SPIRE1: variants seen among roughly 807,000 people sequenced by gnomAD.
SPIRE1 encodes spire type actin nucleation factor 1.
Under a neutral mutation model 94.1 loss-of-function variants are expected in SPIRE1, and 40 were observed. That is an observed-to-expected ratio of 0.43 (90% CI 0.33 to 0.55). The LOEUF (loss-of-function observed/expected upper bound fraction) is 0.55, where lower values mean the gene tolerates loss of function less well. SPIRE1 is among the 20% of genes least tolerant of loss of function. The probability of loss-of-function intolerance (pLI) is 0.06; values close to 1 mark genes in which losing one functional copy is unlikely to be tolerated. For missense variants in SPIRE1, 838 were observed against 975.2 expected (o/e 0.86, Z 1.87); for synonymous variants, 376 against 371.7 (o/e 1.01, Z -0.13).
chr18:12,491,948 G>C (rs912903361), intron 8 of SPIRE1, among the ~76,000 whole-genome samples: 1 of 152,204 alleles, frequency 6.6e-6, no homozygotes, highest in African/African-American at 2.4e-5. Flanking sequence ...CAAAGATTAT[G>C]TTAAGGTTTC....
intron 2 of SPIRE1, among the ~76,000 whole-genome samples, chr18:12,554,202 C>T (rs973334800): frequency 8.0e-5 from 12 of 150,362 alleles, no homozygotes; most frequent in Non-Finnish European, 1.5e-4. Flanking sequence ...GGGAGGCTGA[C>T]GCACAGAATT....
chr18:12,583,654 T>C (rs1208402391), intron 2 of SPIRE1, among the ~76,000 whole-genome samples: 1 of 151,646 alleles, frequency 6.6e-6, no homozygotes, highest in Non-Finnish European at 1.5e-5. Context: ...CCAGGCCAGG[T>C]AGCTCATGCT....
rs2038609799 is a variant in SPIRE1 at position 12,658,048 on chromosome 18, G to A, written c.-182C>T. On this transcript the variant is annotated 5_prime_UTR_variant, in exon 1 of 17. Transcript: ENST00000409402. ...GAGGCGTGGGCAAGAGGAGGGCGGC[G>A]AGGACACGGCTGCAGTCCCGGTCAG... 1 of 991,440 alleles carries A rather than the reference G, an allele frequency of 1.0e-6. No individual in the cohort carries two copies. The highest frequency in any genetic ancestry group is 1.8e-5 in the African/African-American group (1 of 57,088). The allele number at this position is 991,440 out of a possible 1,614,324, so 61.4% of individuals were successfully genotyped here.
At position 12,496,199 on chromosome 18, in the gene SPIRE1, T is replaced by A. The variant is rs910937969; in HGVS notation, c.973-97A>T. The A allele has an allele frequency of 1.2e-5, 9 of 774,640 alleles. No homozygotes were observed. In the African/African-American group the frequency reaches 1.4e-4, roughly 12 times the overall value. The allele number at this position is 774,640 out of a possible 1,614,324, so 48.0% of individuals were successfully genotyped here. On this transcript the variant is annotated intron_variant, in intron 6 of 16. Coordinates refer to ENST00000409402, the MANE Select transcript of SPIRE1 (RefSeq NM_001128626.2). ...TATCTCAAATATGCCATAAAATTAG[T>A]GAAGTGTAATTACCAAGGATACATT...
chr18:12,659,585 G>A (rs912086392), upstream of SPIRE1, among the ~76,000 whole-genome samples: 1 of 152,030 alleles, frequency 6.6e-6, no homozygotes, highest in Admixed American at 6.6e-5. Context: ...CAGGAGAATC[G>A]CTTGAACCTG....
intron 1 of SPIRE1, among the ~76,000 whole-genome samples, chr18:12,651,818 C>T (rs1376909709): frequency 2.6e-5 from 4 of 152,134 alleles, no homozygotes; most frequent in South Asian, 4.1e-4. Flanking sequence ...CTTGACTGAT[C>T]GTATCCTCTT....
intron 4 of SPIRE1, among the ~76,000 whole-genome samples, 166 bp from the exon 5 acceptor site, chr18:12,512,697 G>A (rs182495766): frequency 1.1e-4 from 16 of 151,954 alleles, no homozygotes; most frequent in Non-Finnish European, 2.9e-5. Context: ...GGAACCCTGA[G>A]GATCCATTTT....
chr18:12,630,634 G>A (rs539491181), intron 2 of SPIRE1, among the ~76,000 whole-genome samples: 2 of 152,300 alleles, frequency 1.3e-5, no homozygotes, highest in East Asian at 3.9e-4. Context: ...ACTCCAGCCT[G>A]GGCAAGAGCA....
At chr18:12,626,864 T>TAA (rs1248892202) in intron 2 of SPIRE1, among the ~76,000 whole-genome samples, 10 of 88,500 alleles carry the variant, frequency 1.1e-4, no homozygotes, top group African/African-American at 3.1e-4. Context: ...TAGTAAGCTG[T>TAA]AAAATATATA....
chr18:12,587,303 T>C (rs1328620217), intron 2 of SPIRE1, among the ~76,000 whole-genome samples: 2 of 152,280 alleles, frequency 1.3e-5, no homozygotes, highest in Admixed American at 6.5e-5. Context: ...TGGATTCCAG[T>C]TCCCTAACTT....
At chr18:12,642,457 G>A (rs975100603) in intron 1 of SPIRE1, among the ~76,000 whole-genome samples, 12 of 152,056 alleles carry the variant, frequency 7.9e-5, no homozygotes, top group African/African-American at 2.9e-4. Context: ...ACCTTCCCAG[G>A]GACTAGAGTC....
chr18:12,496,558 A>G (rs896755268), intron 6 of SPIRE1, among the ~76,000 whole-genome samples: 1 of 152,166 alleles, frequency 6.6e-6, no homozygotes, highest in East Asian at 1.9e-4. Flanking sequence ...ACATGGTGAA[A>G]CCCTGTCTCT....
chr18:12,579,494 A>G (rs2036201970), intron 2 of SPIRE1, among the ~76,000 whole-genome samples: 1 of 152,198 alleles, frequency 6.6e-6, no homozygotes, highest in Non-Finnish European at 1.5e-5. Context: ...AGGAAAGGGG[A>G]CTGGGAATTC....
Position 12,559,332 on chromosome 18 carries a change from G to T in SPIRE1, c.373-12428C>A, listed in dbSNP as rs2035617805. ...GCACCCTCCACAGCTGCTGGCGCGG[G>T]TGCTAAGCCTCTCATTGCCCGGGCC... On this transcript the variant is annotated intron_variant, in intron 2 of 16. Coordinates refer to ENST00000409402, the MANE Select transcript of SPIRE1 (RefSeq NM_001128626.2). The surrounding 1 kb of genome is among the most constrained non-coding windows in gnomAD (Gnocchi z 4.7). Among the ~76,000 whole-genome samples the T allele has an allele frequency of 6.6e-6, 1 of 152,202 alleles. No homozygotes were observed. The highest frequency in any genetic ancestry group is 2.1e-4 in the South Asian group (1 of 4,836).
At chr18:12,605,437 CG>C (rs1222289709) in intron 2 of SPIRE1, among the ~76,000 whole-genome samples, 2 of 152,134 alleles carry the variant, frequency 1.3e-5, no homozygotes, top group African/African-American at 4.8e-5. Flanking sequence ...ACCCGGCAGG[CG>C]GAGGTCGCAG....
intron 2 of SPIRE1, among the ~76,000 whole-genome samples, chr18:12,618,379 C>G (rs954801369): frequency 6.6e-6 from 1 of 152,136 alleles, no homozygotes; most frequent in Admixed American, 6.6e-5. Flanking sequence ...AGATTACAGG[C>G]GAGAGCCACC....
chr18:12,493,541 G>A (rs2143867640), intron 7 of SPIRE1, among the ~76,000 whole-genome samples: 1 of 152,232 alleles, frequency 6.6e-6, no homozygotes, highest in South Asian at 2.1e-4. Flanking sequence ...CGAGTAGCTG[G>A]GATTACAGGC....
At chr18:12,516,928 A>G (rs2034212971) in intron 4 of SPIRE1, among the ~76,000 whole-genome samples, 1 of 152,180 alleles carries the variant, frequency 6.6e-6, no homozygotes, top group Non-Finnish European at 1.5e-5. Flanking sequence ...ACTAAGAAAA[A>G]CTATCTGTTC....
At chr18:12,547,067 T>G (rs2035194727) in intron 2 of SPIRE1, among the ~76,000 whole-genome samples, 163 bp from the exon 3 acceptor site, 1 of 152,190 alleles carries the variant, frequency 6.6e-6, no homozygotes. Flanking sequence ...GTGTTAAAAT[T>G]TGTATTTGCC....
Sources: gnomAD v4.1 joint callset for allele counts (sites outside exome capture counted in the v4.1 genomes callset) on GRCh38, gnomAD v4.1.1 for gene constraint, Gnocchi (gnomAD v3.1) non-coding constraint, MANE v1.5 for transcripts, NCBI Gene and HGNC (gene_info 2026-07-23, HGNC 2026-07-21) for gene names.